The following ASCC3 variants were observed in gnomAD, a reference collection of about 807,000 sequenced individuals.
The protein encoded by ASCC3 is ASC-1 complex subunit P200.
ASCC3 carries 158 observed loss-of-function variants against 256.3 expected under a neutral mutation model. The ratio of observed to expected loss-of-function variants is 0.62; its 90% CI spans 0.54 to 0.70. ASCC3 has a LOEUF of 0.70. Ranked by LOEUF, ASCC3 falls within the 30% of genes least tolerant of loss-of-function variation. The probability of loss-of-function intolerance (pLI) is 0.00; values close to 1 mark genes in which losing one functional copy is unlikely to be tolerated. For missense variants in ASCC3, 2,259 were observed against 2,626.0 expected (o/e 0.86, Z 3.05); for synonymous variants, 948 against 883.4 (o/e 1.07, Z -1.30).
At chr6:100,755,969 A>G (rs1420262773) in intron 10 of ASCC3, among the ~76,000 whole-genome samples, 1 of 152,068 alleles carries the variant, frequency 6.6e-6, no homozygotes, top group Non-Finnish European at 1.5e-5. Flanking sequence ...ATCTACATGG[A>G]AAAATATCAA....
chr6:100,661,971 G>A lies in ASCC3; in HGVS notation c.2538C>T (p.Val846=). The A allele has an allele frequency of 6.2e-7, 1 of 1,613,304 alleles. No individual in the cohort carries two copies. The highest frequency in any genetic ancestry group is 8.5e-7 in the Non-Finnish European group (1 of 1,179,484). ...GTCCAGCTCGACCAAATATCTGCAT[G>A]ACATCTAAAATTCCAAGGTCAACAA... ...GSFVDLGILD[V]MQIFGRAGRP... is the part of the protein sequence containing the mutation. The change falls in exon 16 of 42, where the codon GTC becomes GTT. Residue 846 remains valine (V), a synonymous_variant. Coordinates refer to ENST00000369162, the MANE Select transcript of ASCC3 (RefSeq NM_006828.4).
intron 10 of ASCC3, among the ~76,000 whole-genome samples, chr6:100,764,964 T>C (rs563490246): frequency 2.0e-5 from 3 of 152,104 alleles, no homozygotes; most frequent in Non-Finnish European, 4.4e-5. Context: ...CTAAATCCAA[T>C]GACTAGTATC....
chr6:100,769,876 T>C (rs1257447920), intron 8 of ASCC3, among the ~76,000 whole-genome samples: 1 of 151,744 alleles, frequency 6.6e-6, no homozygotes, highest in African/African-American at 2.4e-5. Context: ...AAACACAAAT[T>C]GCCAAAGCTC....
intron 20 of ASCC3, among the ~76,000 whole-genome samples, chr6:100,650,185 C>T (rs1338047886): frequency 1.3e-5 from 2 of 151,532 alleles, no homozygotes; most frequent in Non-Finnish European, 3.0e-5. Context: ...TTTATGCTTG[C>T]AATATTCTTT....
chr6:100,608,061 CATATATAT>C (rs1204085829), intron 30 of ASCC3, among the ~76,000 whole-genome samples: 1 of 11,412 alleles, frequency 8.8e-5, no homozygotes, highest in South Asian at 3.0e-3. Context: ...CATATATACA[CATATATAT>C]ACATATATAT....
chr6:100,828,840 G>C (rs575571591), intron 4 of ASCC3, among the ~76,000 whole-genome samples: 1 of 152,112 alleles, frequency 6.6e-6, no homozygotes, highest in South Asian at 2.1e-4. Context: ...GTGTGGAAGC[G>C]GACCCAAGCA....
At chr6:100,779,612 T>C (rs1782355114) in intron 8 of ASCC3, among the ~76,000 whole-genome samples, 1 of 152,168 alleles carries the variant, frequency 6.6e-6, no homozygotes, top group South Asian at 2.1e-4. Context: ...CCTAAAATTC[T>C]CATCCTTTTT....
chr6:100,789,628 T>C (rs723743), intron 8 of ASCC3, among the ~76,000 whole-genome samples: 59,272 of 151,718 alleles, frequency 0.39, 12,865 homozygotes, highest in Middle Eastern at 0.56. Context: ...ACAAAGTACA[T>C]TTTACTCAGA....
intron 30 of ASCC3, among the ~76,000 whole-genome samples, chr6:100,608,058 A>ATG (rs1491452500): frequency 8.6e-6 from 1 of 116,772 alleles, no homozygotes; most frequent in Admixed American, 9.7e-5. Context: ...ATACATATAT[A>ATG]CACATATATA....
At chr6:100,853,417 TTCC>T (rs1772782908) in intron 3 of ASCC3, among the ~76,000 whole-genome samples, 1 of 88,832 alleles carries the variant, frequency 1.1e-5, no homozygotes, top group South Asian at 2.9e-4. Context: ...TTGATAAATA[TTCC>T]TTTTTTTTTT....
intron 13 of ASCC3, among the ~76,000 whole-genome samples, chr6:100,696,742 A>G (rs1008989670): frequency 2.0e-5 from 3 of 152,086 alleles, no homozygotes; most frequent in Non-Finnish European, 4.4e-5. Context: ...ATTCAAATAA[A>G]TAGTATAAAA....
At position 100,512,740 on chromosome 6, in the gene ASCC3, C is replaced by A. The variant is rs1292921434; in HGVS notation, c.6254G>T (p.Ser2085Ile). 8 of 1,613,960 alleles carry A rather than the reference C, an allele frequency of 5.0e-6. No homozygotes were observed. In the Admixed American group the frequency reaches 1.3e-4, roughly 27 times the overall value. Residue 2085 changes from serine (S) to isoleucine (I), a missense_variant, in exon 40 of 42, where the codon AGC becomes ATC. Coordinates refer to ENST00000369162, the MANE Select transcript of ASCC3 (RefSeq NM_006828.4). ...HADQEYVLQV[S>I]LQRVHFGFHK... ...GAACCCAAAGTGGACTCTCTGCAAGCTCACTTGAAGCACATACTCTTGGTC... is the reference window on the plus strand; with the variant it reads ...GAACCCAAAGTGGACTCTCTGCAAGATCACTTGAAGCACATACTCTTGGTC...
At chr6:100,599,299 G>T (rs1212991157) in intron 34 of ASCC3, among the ~76,000 whole-genome samples, 1 of 152,106 alleles carries the variant, frequency 6.6e-6, no homozygotes, top group Non-Finnish European at 1.5e-5. Context: ...TTTGAATTTA[G>T]TGATGAGGAA....
At chr6:100,829,882 A>G (rs1771536751) in intron 4 of ASCC3, among the ~76,000 whole-genome samples, 1 of 152,094 alleles carries the variant, frequency 6.6e-6, no homozygotes, top group Non-Finnish European at 1.5e-5. Context: ...TTTGGGGGGC[A>G]TTATTAAGTA....
At chr6:100,720,268 A>C (rs2115028905) in intron 11 of ASCC3, among the ~76,000 whole-genome samples, 1 of 152,078 alleles carries the variant, frequency 6.6e-6, no homozygotes, top group African/African-American at 2.4e-5. Flanking sequence ...TAAGTTGTGA[A>C]ATTATAAGGA....
At chr6:100,534,036 A>T (rs1775046137) in intron 37 of ASCC3, among the ~76,000 whole-genome samples, 1 of 152,120 alleles carries the variant, frequency 6.6e-6, no homozygotes, top group Non-Finnish European at 1.5e-5. Flanking sequence ...TAGTCCTAGA[A>T]GTTTGAGACA....
At chr6:100,726,571 G>A (rs1562253695) in intron 10 of ASCC3, among the ~76,000 whole-genome samples, 2 of 152,004 alleles carry the variant, frequency 1.3e-5, no homozygotes, top group Non-Finnish European at 2.9e-5. Context: ...TCTAGATTCT[G>A]AAGCATTTTG....
chr6:100,752,884 AAGG>A (rs1781000903), intron 10 of ASCC3, among the ~76,000 whole-genome samples: 1 of 152,202 alleles, frequency 6.6e-6, no homozygotes, highest in African/African-American at 2.4e-5. Flanking sequence ...AGTATGAAAA[AAGG>A]AGAGTAAATG....
At chr6:100,629,983 C>G (rs926494159) in intron 26 of ASCC3, among the ~76,000 whole-genome samples, 27 of 151,990 alleles carry the variant, frequency 1.8e-4, no homozygotes, top group African/African-American at 6.5e-4. Context: ...CTGCAACCTC[C>G]ACCTCCCGGG....
Sources: gnomAD v4.1 joint callset for allele counts (sites outside exome capture counted in the v4.1 genomes callset) on GRCh38, gnomAD v4.1.1 for gene constraint, MANE v1.5 for transcripts, NCBI Gene and HGNC (gene_info 2026-07-23, HGNC 2026-07-21) for gene names.